Variants in NUDT13 observed in about 807,000 individuals in gnomAD.
The protein encoded by NUDT13 is nudix hydrolase 13.
A neutral mutation model predicts 41.7 loss-of-function variants in NUDT13; 40 were observed. The ratio of observed to expected loss-of-function variants is 0.96; its 90% confidence interval spans 0.75 to 1.25. The LOEUF is 1.25. NUDT13 is among the 50% of genes most tolerant of loss of function. The pLI is 0.00. For synonymous variants in NUDT13, 145 were observed against 155.5 expected (o/e 0.93, Z 0.50); for missense variants, 390 against 416.1 (o/e 0.94, Z 0.55).
At chr10:73,121,272 T>C (rs527691592) in intron 3 of NUDT13, among the ~76,000 whole-genome samples, 110 of 152,234 alleles carry the variant, frequency 7.2e-4, no homozygotes, top group African/African-American at 2.5e-3. Flanking sequence ...AAATGTGAAC[T>C]TTCAGTTTTA....
intron 1 of NUDT13, among the ~76,000 whole-genome samples, chr10:73,113,965 A>AT (rs964149307): frequency 9.2e-5 from 14 of 152,066 alleles, no homozygotes; most frequent in Non-Finnish European, 1.3e-4. Flanking sequence ...TTAGTTACAG[A>AT]TTTTTTTTCT....
At position 73,130,880 on chromosome 10, in the gene NUDT13, A is replaced by C. The variant is rs1396925439; in HGVS notation, c.1036A>C (p.Thr346Pro). 3 of 1,613,518 alleles carry C rather than the reference A, an allele frequency of 1.9e-6. No homozygotes were observed. The highest frequency in any genetic ancestry group is 1.7e-6 in the Non-Finnish European group (2 of 1,179,756). ...GATTAAGGAGTGGGTGGAAAAACAG[A>C]CCTGTTCTTCCCTGCCTGCTTAGCC... ...QLIKEWVEKQTCSSLPA is the reference protein window; with the variant it reads ...QLIKEWVEKQPCSSLPA The change falls in exon 9 of 9, where the codon ACC (threonine) becomes CCC (proline). Residue 346 changes from threonine (T) to proline (P), a missense_variant. Transcript: ENST00000357321.
chr10:73,125,158 G>A lies in NUDT13; in HGVS notation c.506G>A (p.Cys169Tyr), dbSNP rs780919597. Residue 169 changes from cysteine to tyrosine, a missense_variant, in exon 6 of 9, where the codon TGC (cysteine) becomes TAC (tyrosine). Coordinates refer to ENST00000357321, the MANE Select transcript of NUDT13 (RefSeq NM_015901.6). The part of the protein sequence containing the change: ...LLRWHDAHQF[C>Y]SRSGQPTKKN... ...CGCTGGCATGATGCTCATCAGTTCT[G>A]CAGCAGAAGTGGGCAGCCCACCAAG... 6 of 1,613,490 alleles carry A rather than the reference G, an allele frequency of 3.7e-6. No individual in the cohort carries two copies. Among genetic ancestry groups the A allele is most frequent in the Non-Finnish European group, 5.1e-6 (6 of 1,179,856 alleles).
At chr10:73,129,946 T>A (rs942949420) in intron 8 of NUDT13, among the ~76,000 whole-genome samples, 10 of 150,284 alleles carry the variant, frequency 6.7e-5, no homozygotes, top group Non-Finnish European at 1.3e-4. Context: ...ACCATTGCCC[T>A]CTAGCCTGGG....
chr10:73,115,272 G>A (rs544923574), intron 2 of NUDT13: 2 of 152,114 alleles, frequency 1.3e-5, no homozygotes, highest in African/African-American at 4.8e-5. Flanking sequence ...GATCTCCTGG[G>A]GTCAAGCGAT....
At chr10:73,120,862 C>T (rs748316717) in intron 3 of NUDT13, among the ~76,000 whole-genome samples, 8 of 150,786 alleles carry the variant, frequency 5.3e-5, no homozygotes, top group African/African-American at 7.3e-5. Context: ...GGCGTCAACC[C>T]GGGAGGCGGA....
At chr10:73,127,734 CTTTTT>C (rs75940953) in intron 8 of NUDT13, among the ~76,000 whole-genome samples, 1 of 142,196 alleles carries the variant, frequency 7.0e-6, no homozygotes, top group Non-Finnish European at 1.5e-5. Flanking sequence ...TCCCACCCCA[CTTTTT>C]TTTTTTTTTA....
At chr10:73,124,450 C>T in intron 5 of NUDT13, 130 bp downstream of exon 5, 1 of 642,494 alleles carries the variant, frequency 1.6e-6, no homozygotes, top group Non-Finnish European at 2.8e-6. Flanking sequence ...TCTACAAACA[C>T]TGGCAGGACA....
intron 5 of NUDT13, chr10:73,124,548 T>G: frequency 2.0e-6 from 1 of 488,268 alleles, no homozygotes; most frequent in East Asian, 3.3e-5. Flanking sequence ...CCTAAAGACA[T>G]GCAGATCTAT....
chr10:73,115,647 A>G (rs1159941747), intron 2 of NUDT13, among the ~76,000 whole-genome samples: 2 of 152,342 alleles, frequency 1.3e-5, no homozygotes, highest in East Asian at 3.9e-4. Context: ...ACAGTAAGGG[A>G]GAAATTAAGT....
chr10:73,120,726 CAA>C (rs1178452328), intron 3 of NUDT13, among the ~76,000 whole-genome samples: 2 of 151,940 alleles, frequency 1.3e-5, no homozygotes, highest in African/African-American at 4.8e-5. Context: ...ATCACGAGGT[CAA>C]GAGATCAAGA....
intron 2 of NUDT13, among the ~76,000 whole-genome samples, chr10:73,115,529 G>A (rs1395161183): frequency 1.3e-5 from 2 of 152,080 alleles, no homozygotes; most frequent in African/African-American, 4.8e-5. Flanking sequence ...TCACACACTT[G>A]AATATAAGTT....
In NUDT13 at chr10:73,130,473, A is replaced by AT. The variant is rs1554848251; in HGVS notation, c.859-230_859-229insT. On this transcript the variant is annotated intron_variant, in intron 8 of 8. Transcript: ENST00000357321. The stretch of plus-strand genomic sequence containing the variant: ...GAGAGACTCCGTCTAAAAAAAAAAA[A>AT]ATATATATATATATACACACACACA... The AT allele has an allele frequency of 9.4e-3, 1,477 of 157,704 alleles. 9 individuals carry two copies. The highest frequency in any genetic ancestry group is 0.018 in the South Asian group (87 of 4,860). 9.8% of individuals were successfully genotyped at this position (157,704 alleles called of 1,614,324 possible).
intron 2 of NUDT13, among the ~76,000 whole-genome samples, chr10:73,115,936 A>C (rs746235831): frequency 2.6e-5 from 4 of 152,210 alleles, no homozygotes; most frequent in Non-Finnish European, 5.9e-5. Context: ...GCTTTCATAC[A>C]GTTTTGGGGG....
chr10:73,120,099 G>A lies in NUDT13; in HGVS notation c.165G>A (p.Leu55=). 6.2e-7 allele frequency: 1 copy of A among 1,614,174 alleles called. No homozygotes were observed. Among genetic ancestry groups the A allele is most frequent in the East Asian group, 2.2e-5 (1 of 44,886 alleles). The change falls in exon 3 of 9, where the codon CTG becomes CTA. Residue 55 remains leucine (L), a synonymous_variant. Coordinates refer to ENST00000357321, the MANE Select transcript of NUDT13 (RefSeq NM_015901.6). ...GAGCGTTTTACCTCTTTCATAGTCT[G>A]GCTCCTCTGCTTCAGACTTCAGCAC... ...QTGAFYLFHS[L]APLLQTSAHQ...
At chr10:73,129,397 C>T in intron 8 of NUDT13, among the ~76,000 whole-genome samples, 1 of 151,870 alleles carries the variant, frequency 6.6e-6, no homozygotes, top group Non-Finnish European at 1.5e-5. Context: ...TGGTCTCGAA[C>T]TCCTGACCTC....
chr10:73,112,455 C>T (rs1466143878), intron 1 of NUDT13, among the ~76,000 whole-genome samples: 1 of 151,834 alleles, frequency 6.6e-6, no homozygotes, highest in African/African-American at 2.4e-5. Context: ...TGTTAACCAA[C>T]TGTTACCTGT....
Position 73,122,238 on chromosome 10 carries a change from T to C in NUDT13, c.287T>C (p.Ile96Thr), listed in dbSNP as rs149610037. The change falls in exon 4 of 9, where the codon ATT becomes ACT. Residue 96 changes from isoleucine to threonine, a missense_variant. Coordinates refer to ENST00000357321, the MANE Select transcript of NUDT13 (RefSeq NM_015901.6). ...CAAAGAATAGAAGATTCTGTGCTGA[T>C]TGGATGCTCTGAGCAGCAGGAAGCA... ...DAQRIEDSVL[I>T]GCSEQQEAWF... 1.7e-5 allele frequency: 28 copies of C among 1,614,156 alleles called. No homozygotes were observed. Among genetic ancestry groups the C allele is most frequent in the Admixed American group, 5.0e-5 (3 of 60,032 alleles).
intron 8 of NUDT13, chr10:73,130,472 AAATAT>A (rs1842892571): frequency 2.5e-5 from 4 of 158,052 alleles, no homozygotes; most frequent in South Asian, 2.1e-4. Flanking sequence ...AAAAAAAAAA[AAATAT>A]ATATATATAT....
Sources: allele counts gnomAD v4.1 joint callset (sites outside exome capture counted in the v4.1 genomes callset), GRCh38; gene constraint gnomAD v4.1.1; transcripts MANE v1.5; gene names NCBI Gene and HGNC (gene_info 2026-07-23, HGNC 2026-07-21).